The following TRIQK variants were observed in gnomAD, a reference collection of about 807,000 sequenced individuals.
TRIQK encodes the protein triple QxxK/R motif-containing protein.
Under a neutral mutation model 10.8 loss-of-function variants are expected in TRIQK, and 10 were observed. That is an observed-to-expected ratio of 0.92 (90% CI 0.57 to 1.57). The LOEUF (loss-of-function observed/expected upper bound fraction) is 1.57. Ranked by LOEUF, TRIQK falls within the 40% of genes most tolerant of loss-of-function variation. TRIQK has a pLI of 0.00. For synonymous variants in TRIQK, 33 were observed against 33.7 expected (o/e 0.98, Z 0.07); for missense variants, 107 against 97.7 (o/e 1.09, Z -0.40).
chr8:92,906,963 T>C (rs111447926), intron 3 of TRIQK, among the ~76,000 whole-genome samples: 1 of 152,104 alleles, frequency 6.6e-6, no homozygotes, highest in Non-Finnish European at 1.5e-5. Flanking sequence ...TATGTTTGGG[T>C]AGCTGTGGAG....
At chr8:92,906,622 AC>A (rs536304450) in intron 3 of TRIQK, among the ~76,000 whole-genome samples, 138 of 151,698 alleles carry the variant, frequency 9.1e-4, no homozygotes, top group Non-Finnish European at 1.6e-3. Context: ...CTATAAAGTC[AC>A]CATTATCAAA....
chr8:92,897,241 G>A (rs76799199), intron 3 of TRIQK, among the ~76,000 whole-genome samples: 4,079 of 152,238 alleles, frequency 0.027, 76 homozygotes, highest in Non-Finnish European at 0.04. Flanking sequence ...TGAGACTTTG[G>A]ATTTTGAAAT....
intron 3 of TRIQK, among the ~76,000 whole-genome samples, chr8:92,902,301 G>T (rs1469117268): frequency 1.3e-5 from 2 of 152,126 alleles, no homozygotes; most frequent in Non-Finnish European, 2.9e-5. Context: ...TAGTCTAAAT[G>T]CTCCCTCTGT....
At chr8:92,986,295 A>C (rs1452873413) in intron 1 of TRIQK, among the ~76,000 whole-genome samples, 1 of 152,088 alleles carries the variant, frequency 6.6e-6, no homozygotes, top group Non-Finnish European at 1.5e-5. Flanking sequence ...ATCTTGTTTC[A>C]TATTGTTTTG....
intron 1 of TRIQK, among the ~76,000 whole-genome samples, chr8:92,959,175 T>C (rs1352043853): frequency 1.3e-5 from 2 of 152,066 alleles, no homozygotes; most frequent in Non-Finnish European, 2.9e-5. Context: ...GTACAAACCA[T>C]TCCAAGCTCA....
intron 1 of TRIQK, among the ~76,000 whole-genome samples, chr8:92,995,141 A>G (rs1472202878): frequency 6.6e-6 from 1 of 152,016 alleles, no homozygotes; most frequent in Non-Finnish European, 1.5e-5. Context: ...AGGTCCTTGC[A>G]TATCCATAAT....
Position 92,936,457 on chromosome 8 carries a change from T to C in TRIQK, c.-22+17949A>G, listed in dbSNP as rs548886171. 2.0e-5 allele frequency among the ~76,000 whole-genome samples: 3 copies of C among 151,528 alleles called. No individual in the cohort carries two copies. In the South Asian group the frequency reaches 6.2e-4, roughly 31 times the overall value. On this transcript the variant is annotated intron_variant, in intron 2 of 4. Coordinates refer to ENST00000521988, the MANE Select transcript of TRIQK (RefSeq NM_001171797.2). ...CAGGGGGAGAGAGAAGGAAGAAAGA[T>C]AGAGGATGAACAGAGGGAGGCAGGA...
At chr8:92,952,500 G>C (rs1487177203) in intron 2 of TRIQK, among the ~76,000 whole-genome samples, 1 of 151,484 alleles carries the variant, frequency 6.6e-6, no homozygotes, top group East Asian at 1.9e-4. Context: ...TACGCATAAT[G>C]GGAATATCAG....
intron 4 of TRIQK, among the ~76,000 whole-genome samples, chr8:92,889,011 T>A (rs2130242682): frequency 6.6e-6 from 1 of 151,758 alleles, no homozygotes; most frequent in Middle Eastern, 3.4e-3. Flanking sequence ...GTGCAAACAT[T>A]TTTTAGGCGG....
At chr8:92,951,626 A>G (rs1224138260) in intron 2 of TRIQK, among the ~76,000 whole-genome samples, 1 of 152,136 alleles carries the variant, frequency 6.6e-6, no homozygotes, top group Non-Finnish European at 1.5e-5. Context: ...GAGCTCGACT[A>G]GCTTCTCACA....
At chr8:92,910,539 T>C (rs1418973038) in intron 3 of TRIQK, among the ~76,000 whole-genome samples, 5 of 151,186 alleles carry the variant, frequency 3.3e-5, no homozygotes, top group Middle Eastern at 3.5e-3. Flanking sequence ...GTAAATTATA[T>C]AGAATTAAAT....
intron 3 of TRIQK, among the ~76,000 whole-genome samples, chr8:92,900,477 T>G (rs1234994342): frequency 1.3e-5 from 2 of 152,134 alleles, no homozygotes; most frequent in African/African-American, 2.4e-5. Context: ...GTTTCCACAG[T>G]ACCATTTTTT....
At chr8:93,006,459 T>C (rs1254397160) in intron 1 of TRIQK, among the ~76,000 whole-genome samples, 1 of 152,144 alleles carries the variant, frequency 6.6e-6, no homozygotes, top group Admixed American at 6.5e-5. Context: ...GAGATCCCCC[T>C]CGTGAGCTGA....
chr8:92,932,628 A>C (rs190283691), intron 2 of TRIQK, among the ~76,000 whole-genome samples: 1 of 152,170 alleles, frequency 6.6e-6, no homozygotes, highest in Admixed American at 6.5e-5. Flanking sequence ...TTCTCGGTTG[A>C]ATTAATTATA....
intron 2 of TRIQK, among the ~76,000 whole-genome samples, chr8:92,932,315 CA>C (rs1374150158): frequency 6.6e-6 from 1 of 152,130 alleles, no homozygotes; most frequent in African/African-American, 2.4e-5. Context: ...ATCATTCTAA[CA>C]AAGCATAATC....
intron 3 of TRIQK, among the ~76,000 whole-genome samples, chr8:92,907,802 T>C (rs1233017155): frequency 6.6e-6 from 1 of 152,026 alleles, no homozygotes; most frequent in Non-Finnish European, 1.5e-5. Context: ...ATTAGTGCTG[T>C]CCCTATAAAA....
intron 2 of TRIQK, among the ~76,000 whole-genome samples, chr8:92,949,671 GGAAAGAAA>G (rs375957646): frequency 0.014 from 887 of 62,622 alleles, 50 homozygotes; most frequent in African/African-American, 0.064. Context: ...AGAAAGAGAA[GGAAAGAAA>G]GAAAGAAAGA....
At chr8:92,990,256 G>A (rs1813083052) in intron 1 of TRIQK, among the ~76,000 whole-genome samples, 1 of 152,134 alleles carries the variant, frequency 6.6e-6, no homozygotes, top group African/African-American at 2.4e-5. Context: ...CAGTTAATAA[G>A]AAAATTAAAT....
At position 92,886,028 on chromosome 8, in the gene TRIQK, T is replaced by C. The variant is rs1164945555; in HGVS notation, c.*594A>G. On this transcript the variant is annotated 3_prime_UTR_variant, in exon 5 of 5. Coordinates refer to ENST00000521988, the MANE Select transcript of TRIQK (RefSeq NM_001171797.2). ...TCTATTTTAGAGACATATGTGACTC[T>C]TTGAGCTTCTGTCATCCAGGTGCCA... The C allele has an allele frequency of 6.6e-6, 1 of 151,728 alleles. No individual in the cohort carries two copies. The highest frequency in any genetic ancestry group is 1.5e-5 in the Non-Finnish European group (1 of 67,794). 9.4% of individuals were successfully genotyped at this position (151,728 alleles called of 1,614,324 possible).
Sources: gnomAD v4.1 joint callset for allele counts (sites outside exome capture counted in the v4.1 genomes callset) on GRCh38, gnomAD v4.1.1 for gene constraint, MANE v1.5 for transcripts, NCBI Gene and HGNC (gene_info 2026-07-23, HGNC 2026-07-21) for gene names.